Variants in DAAM1 observed in about 807,000 individuals in gnomAD.
DAAM1 encodes disheveled-associated activator of morphogenesis 1.
Under a neutral mutation model 130.0 loss-of-function variants are expected in DAAM1, and 52 were observed. The observed-to-expected ratio is 0.40, with a 90% CI of 0.32 to 0.50. The LOEUF is 0.50. DAAM1 is among the 20% of genes least tolerant of loss of function. The pLI is 0.61. For synonymous variants in DAAM1, 452 were observed against 444.5 expected, an observed-to-expected ratio of 1.02 and a Z score of -0.21; for missense variants, 1,134 against 1,303.8, an observed-to-expected ratio of 0.87 and a Z score of 2.01.
intron 23 of DAAM1, among the ~76,000 whole-genome samples, chr14:59,365,025 C>G (rs1363975164): frequency 6.7e-6 from 1 of 149,872 alleles, no homozygotes; most frequent in African/African-American, 2.4e-5. Context: ...AATATAGCAC[C>G]TACTTCATCA....
chr14:59,329,332 T>C (rs1594827434), intron 12 of DAAM1, among the ~76,000 whole-genome samples: 1 of 151,912 alleles, frequency 6.6e-6, no homozygotes. Context: ...AGAAGGAAAA[T>C]GGGATATAGA....
chr14:59,256,984 C>T lies in DAAM1; in HGVS notation c.-37-6457C>T, dbSNP rs150042744. Among the ~76,000 whole-genome samples the T allele has an allele frequency of 9.2e-5, 14 of 152,270 alleles. No individual in the cohort carries two copies. In the East Asian group the frequency reaches 2.5e-3, roughly 27 times the overall value. On this transcript the variant is annotated intron_variant, in intron 1 of 24. Coordinates refer to ENST00000360909, the MANE Select transcript of DAAM1 (RefSeq NM_001270520.2). ...ATCAGCGAGTCTCTTTTCAATGGCA[C>T]TTACTTGGGAATGAGTTGAAAAACT...
At chr14:59,319,861 G>A (rs1468102628) in intron 4 of DAAM1, among the ~76,000 whole-genome samples, 1 of 151,986 alleles carries the variant, frequency 6.6e-6, no homozygotes, top group Non-Finnish European at 1.5e-5. Flanking sequence ...CTATCCTCAG[G>A]TGATTTTCAT....
Position 59,324,177 on chromosome 14 carries a change from T to A in DAAM1, c.824T>A (p.Val275Glu), listed in dbSNP as rs758941090. The A allele has an allele frequency of 4.1e-6, 6 of 1,460,164 alleles. No homozygotes were observed. The African/African-American group carries it at 8.6e-5, about 21-fold the overall frequency. The allele number at this position is 1,460,164 out of a possible 1,614,324, so 90.5% of individuals were successfully genotyped here. Residue 275 changes from valine (V) to glutamate (E), a missense_variant, in exon 7 of 25, where the codon GTG becomes GAG. Val to Glu is a moderately radical substitution (Grantham distance 121, BLOSUM62 -2). This residue lies in a region of DAAM1 where 391 missense variants were observed against 521.6 expected (regional missense o/e 0.75). Transcript: ENST00000360909. ...DKSTGRYRDE[V>E]SLKTAIMSFI... ...AGCACTGGGCGGTATCGAGATGAAG[T>A]GAGTCTCAAGACTGCCATCATGTCC...
intron 1 of DAAM1, among the ~76,000 whole-genome samples, chr14:59,262,073 T>G (rs1882185461): frequency 6.6e-6 from 1 of 151,754 alleles, no homozygotes; most frequent in Non-Finnish European, 1.5e-5. Flanking sequence ...TCTTTTAACC[T>G]CATCTCTTTT....
intron 3 of DAAM1, among the ~76,000 whole-genome samples, chr14:59,312,872 T>G (rs575438773): frequency 6.6e-6 from 1 of 152,314 alleles, no homozygotes; most frequent in African/African-American, 2.4e-5. Flanking sequence ...CCACAGAATT[T>G]GGGATAATGG....
chr14:59,357,435 TTAGG>T (rs1157129541), intron 20 of DAAM1: 2 of 152,116 alleles, frequency 1.3e-5, no homozygotes, highest in Non-Finnish European at 2.9e-5. Flanking sequence ...CTTGTACCCC[TTAGG>T]TAAGAATCAC....
intron 3 of DAAM1, among the ~76,000 whole-genome samples, chr14:59,298,265 A>C (rs1172223879): frequency 1.3e-5 from 2 of 152,222 alleles, no homozygotes; most frequent in African/African-American, 4.8e-5. Context: ...GGAGGAAAAA[A>C]TAAATATTTA....
At chr14:59,363,403 C>T in intron 22 of DAAM1, 1 of 365,616 alleles carries the variant, frequency 2.7e-6, no homozygotes. Flanking sequence ...AAAGAGAAAT[C>T]ACATAGATCA....
chr14:59,240,560 C>T (rs899836197), intron 1 of DAAM1, among the ~76,000 whole-genome samples: 5 of 152,158 alleles, frequency 3.3e-5, no homozygotes, highest in Non-Finnish European at 7.4e-5. Context: ...CTCCTCACTC[C>T]CCATCTCCCT....
At chr14:59,231,226 A>G (rs975321571) in intron 1 of DAAM1, among the ~76,000 whole-genome samples, 1 of 152,210 alleles carries the variant, frequency 6.6e-6, no homozygotes, top group East Asian at 1.9e-4. Flanking sequence ...ATGGGGTTCA[A>G]TGTGATGTTT....
chr14:59,346,150 G>C lies in DAAM1; in HGVS notation c.2076-1389G>C, dbSNP rs1006131636. ...AATCCCTTTTTTTTGGGGGGGGGGG[G>C]GTGCCTGGAGGGATGCAGTTATGTA... On this transcript the variant is annotated intron_variant, in intron 16 of 24. Coordinates refer to ENST00000360909, the MANE Select transcript of DAAM1 (RefSeq NM_001270520.2). Among the ~76,000 whole-genome samples the C allele has an allele frequency of 1.6e-5, 2 of 123,802 alleles. 1 individual carries two copies. The highest frequency in any genetic ancestry group is 5.5e-4 in the East Asian group (2 of 3,622). 81.2% of individuals were successfully genotyped at this position (123,802 alleles called of 152,430 possible).
chr14:59,258,995 C>T (rs1230589403), intron 1 of DAAM1, among the ~76,000 whole-genome samples: 3 of 152,146 alleles, frequency 2.0e-5, no homozygotes, highest in African/African-American at 7.2e-5. Context: ...GTTTACAGAA[C>T]TGTTGGGATT....
chr14:59,349,433 A>C (rs760224206), intron 17 of DAAM1, among the ~76,000 whole-genome samples: 5 of 152,234 alleles, frequency 3.3e-5, no homozygotes, highest in Non-Finnish European at 7.3e-5. Context: ...GACAAGTAGG[A>C]TATTTTTTGA....
In DAAM1 at chr14:59,370,647, C is replaced by G. The variant is rs1489647478; in HGVS notation, c.*1788C>G. 1 of 151,990 alleles carries G rather than the reference C, an allele frequency of 6.6e-6. No homozygotes were observed. Among genetic ancestry groups the G allele is most frequent in the East Asian group, 1.9e-4 (1 of 5,200 alleles). 9.4% of individuals were successfully genotyped at this position (151,990 alleles called of 1,614,324 possible). A position where few individuals can be genotyped will look rare whatever the true frequency, so the allele number is the denominator to read the frequency against. ...ACACTATATGGAAATAAATGACTAG[C>G]AAATAAAACAGTCATAAATACAAAG... On this transcript the variant is annotated 3_prime_UTR_variant, in exon 25 of 25. Transcript: ENST00000360909.
At chr14:59,248,122 G>C (rs887654263) in intron 1 of DAAM1, among the ~76,000 whole-genome samples, 1 of 152,158 alleles carries the variant, frequency 6.6e-6, no homozygotes, top group African/African-American at 2.4e-5. Flanking sequence ...AACTTTCCAT[G>C]TTATTTCACT....
At chr14:59,271,619 G>C (rs1324229025) in intron 2 of DAAM1, among the ~76,000 whole-genome samples, 1 of 152,106 alleles carries the variant, frequency 6.6e-6, no homozygotes, top group African/African-American at 2.4e-5. Flanking sequence ...AAGTCATTTT[G>C]ATATGAAAGG....
intron 4 of DAAM1, among the ~76,000 whole-genome samples, chr14:59,319,113 G>T (rs1477408230): frequency 6.6e-6 from 1 of 152,118 alleles, no homozygotes; most frequent in African/African-American, 2.4e-5. Flanking sequence ...GAGTTTTCCA[G>T]GGGATGGGTC....
At chr14:59,234,504 T>A (rs1044410906) in intron 1 of DAAM1, among the ~76,000 whole-genome samples, 6 of 152,314 alleles carry the variant, frequency 3.9e-5, no homozygotes, top group African/African-American at 1.2e-4. Context: ...TGAAGTTGCT[T>A]ATCAGCTTAA....
Sources: allele counts gnomAD v4.1 joint callset (sites outside exome capture counted in the v4.1 genomes callset), GRCh38; gene constraint gnomAD v4.1.1; regional missense constraint gnomAD v4.1.1; transcripts MANE v1.5; gene names NCBI Gene and HGNC (gene_info 2026-07-23, HGNC 2026-07-21).